The following ADAMTS2 variants were observed in gnomAD, a reference collection of about 807,000 sequenced individuals.
ADAMTS2 encodes ADAM metallopeptidase with thrombospondin type 1 motif 2, also known as A disintegrin and metalloproteinase with thrombospondin motifs 2.
Under a neutral mutation model 123.0 loss-of-function variants are expected in ADAMTS2, and 50 were observed. That is an observed-to-expected ratio of 0.41 (90% CI 0.32 to 0.51). The LOEUF (loss-of-function observed/expected upper bound fraction) is 0.51. ADAMTS2 is among the 20% of genes least tolerant of loss of function. The probability of loss-of-function intolerance (pLI) is 0.35; values close to 1 mark genes in which losing one functional copy is unlikely to be tolerated. For missense variants in ADAMTS2, 1,494 were observed against 1,705.2 expected (o/e 0.88, Z 2.18); for synonymous variants, 678 against 695.4 (o/e 0.98, Z 0.39).
At chr5:179,293,651 T>A (rs1455639404) in intron 2 of ADAMTS2, among the ~76,000 whole-genome samples, 2 of 152,186 alleles carry the variant, frequency 1.3e-5, no homozygotes, top group Non-Finnish European at 2.9e-5. Context: ...TCTTGCTCTG[T>A]CGCCTAGGCT....
Position 179,154,303 on chromosome 5 carries a change from C to T in ADAMTS2, c.1239-111G>A, listed in dbSNP as rs533732792. 1.1e-5 allele frequency: 16 copies of T among 1,462,926 alleles called. No homozygotes were observed. In the African/African-American group the frequency reaches 2.1e-4, roughly 19 times the overall value. 90.6% of individuals were successfully genotyped at this position (1,462,926 alleles called of 1,614,324 possible). On this transcript the variant is annotated intron_variant, in intron 7 of 21. Coordinates refer to ENST00000251582, the MANE Select transcript of ADAMTS2 (RefSeq NM_014244.5). The stretch of plus-strand genomic sequence containing the variant: ...ATCTTTCCCCAACGGGCCTCCTGAC[C>T]TTGGCCCACTCTGAGCCGGGTGGCA...
chr5:179,150,129 C>CCTGCTCCTGT (rs1277011776), intron 10 of ADAMTS2, among the ~76,000 whole-genome samples: 4 of 149,154 alleles, frequency 2.7e-5, no homozygotes, highest in Admixed American at 1.3e-4. Context: ...CCAGCTCCTG[C>CCTGCTCCTGT]TCCTGCTCCT....
intron 5 of ADAMTS2, among the ~76,000 whole-genome samples, chr5:179,163,276 T>C (rs1394077482): frequency 6.6e-6 from 1 of 152,128 alleles, no homozygotes; most frequent in Non-Finnish European, 1.5e-5. Flanking sequence ...TTCCCAGTTT[T>C]GAAGGAGAAA....
At chr5:179,192,919 T>C (rs1382574458) in intron 4 of ADAMTS2, among the ~76,000 whole-genome samples, 2 of 152,174 alleles carry the variant, frequency 1.3e-5, no homozygotes, top group African/African-American at 2.4e-5. Context: ...TACTCCCGTG[T>C]TTCCCCAGGC....
At chr5:179,330,837 T>C (rs1757460502) in intron 2 of ADAMTS2, among the ~76,000 whole-genome samples, 1 of 152,228 alleles carries the variant, frequency 6.6e-6, no homozygotes, top group South Asian at 2.1e-4. Context: ...TGGAGGATGC[T>C]CTGGCAGGGC....
At chr5:179,124,334 G>A (rs909816618) in intron 19 of ADAMTS2, among the ~76,000 whole-genome samples, 15 of 152,022 alleles carry the variant, frequency 9.9e-5, no homozygotes, top group African/African-American at 3.6e-4. Context: ...CTGCCCCTAG[G>A]ACCACCCCTG....
intron 9 of ADAMTS2, among the ~76,000 whole-genome samples, chr5:179,153,027 G>A (rs10076242): frequency 0.03 from 4,518 of 152,298 alleles, 235 homozygotes; most frequent in African/African-American, 0.1. Flanking sequence ...CCTCCATGCC[G>A]ATGGCCGGTT....
At chr5:179,166,021 T>C (rs1763689145) in intron 5 of ADAMTS2, among the ~76,000 whole-genome samples, 2 of 151,984 alleles carry the variant, frequency 1.3e-5, no homozygotes, top group Admixed American at 1.3e-4. Context: ...TGTTTGGAGG[T>C]GACATCGACC....
intron 5 of ADAMTS2, among the ~76,000 whole-genome samples, chr5:179,160,513 G>A (rs946169464): frequency 2.0e-5 from 3 of 152,224 alleles, no homozygotes; most frequent in African/African-American, 7.2e-5. Context: ...CAGAAGAAGG[G>A]AGCACAATTC....
chr5:179,268,050 T>G (rs1164884759), intron 3 of ADAMTS2, among the ~76,000 whole-genome samples: 4 of 152,192 alleles, frequency 2.6e-5, no homozygotes. Flanking sequence ...ATCCTCTCAT[T>G]CCAGAAATTT....
intron 2 of ADAMTS2, among the ~76,000 whole-genome samples, chr5:179,328,051 C>A (rs1757359914): frequency 1.3e-5 from 2 of 152,334 alleles, no homozygotes; most frequent in South Asian, 2.1e-4. Context: ...TTTTTTGAGA[C>A]AGAGTCTCGC....
In ADAMTS2 at chr5:179,124,988, G is replaced by T; in HGVS notation, c.2943C>A (p.Ala981=). 1.2e-6 allele frequency: 2 copies of T among 1,606,352 alleles called. No homozygotes were observed. Among genetic ancestry groups the T allele is most frequent in the Non-Finnish European group, 8.5e-7 (1 of 1,178,304 alleles). ...SRELCPGRWR[A]GPWSQCSVTC... ...GATTGCGTACCTGGGACCAGGGCCC[G>T]GCTCGCCAACGACCAGGGCAGAGCT... The change falls in exon 19 of 22, where the codon GCC becomes GCA. Residue 981 remains alanine (A), a synonymous_variant. Transcript: ENST00000251582.
chr5:179,309,363 A>T (rs1214621030), intron 2 of ADAMTS2, among the ~76,000 whole-genome samples: 1 of 152,140 alleles, frequency 6.6e-6, no homozygotes, highest in African/African-American at 2.4e-5. Context: ...TCCCAGTCAG[A>T]TGTCTGCAGA....
In ADAMTS2 at chr5:179,202,410, C is replaced by A. The variant is rs1764589558; in HGVS notation, c.891+5103G>T. On this transcript the variant is annotated intron_variant, in intron 4 of 21. Coordinates refer to ENST00000251582, the MANE Select transcript of ADAMTS2 (RefSeq NM_014244.5). This position sits in a 1 kb window ranked among gnomAD's most constrained non-coding sequence, Gnocchi z 4.0. ...CAGCCCCTGAGCTGTAGAAAGTGGC[C>A]TGCCTTCCCCTACCCTTCTTCCTTC... Among the ~76,000 whole-genome samples, 1 of 152,216 alleles carries A rather than the reference C, an allele frequency of 6.6e-6. No homozygotes were observed. The highest frequency in any genetic ancestry group is 6.5e-5 in the Admixed American group (1 of 15,294).
chr5:179,321,225 C>A (rs1020438226), intron 2 of ADAMTS2, among the ~76,000 whole-genome samples: 3 of 152,148 alleles, frequency 2.0e-5, no homozygotes, highest in African/African-American at 7.2e-5. Context: ...ACCTAAAATC[C>A]TCTGTGCTCG....
At chr5:179,265,404 C>T (rs940458095) in intron 3 of ADAMTS2, among the ~76,000 whole-genome samples, 2 of 152,194 alleles carry the variant, frequency 1.3e-5, no homozygotes, top group African/African-American at 4.8e-5. Flanking sequence ...TTGCTGCGCA[C>T]GTGGGGGCTG....
At chr5:179,168,509 G>A (rs1486841365) in intron 5 of ADAMTS2, among the ~76,000 whole-genome samples, 3 of 152,236 alleles carry the variant, frequency 2.0e-5, no homozygotes, top group Non-Finnish European at 4.4e-5. Context: ...TGCTGTGGGG[G>A]TGAGGGCATA....
intron 3 of ADAMTS2, among the ~76,000 whole-genome samples, chr5:179,224,045 G>A (rs930830391): frequency 6.6e-6 from 1 of 152,248 alleles, no homozygotes; most frequent in Admixed American, 6.5e-5. Context: ...ACAGGACAGG[G>A]TAGGACGAGG....
At chr5:179,244,232 T>A (rs1170283085) in intron 3 of ADAMTS2, among the ~76,000 whole-genome samples, 2 of 152,018 alleles carry the variant, frequency 1.3e-5, no homozygotes, top group African/African-American at 4.8e-5. Flanking sequence ...ATAGTAAAAA[T>A]GCCGAAAGCC....
Sources: allele counts gnomAD v4.1 joint callset (sites outside exome capture counted in the v4.1 genomes callset), GRCh38; gene constraint gnomAD v4.1.1; non-coding constraint Gnocchi (gnomAD v3.1); transcripts MANE v1.5; gene names NCBI Gene and HGNC (gene_info 2026-07-23, HGNC 2026-07-21).